Variants in GRM7 observed in about 807,000 individuals in gnomAD.
GRM7 encodes metabotropic glutamate receptor 7.
Under a neutral mutation model 84.5 loss-of-function variants are expected in GRM7, and 35 were observed. The observed-to-expected ratio is 0.41, with a 90% CI of 0.32 to 0.55. The LOEUF is 0.55. GRM7 is among the 20% of genes least tolerant of loss of function. The pLI is 0.19. For missense variants in GRM7, 1,003 were observed against 1,194.6 expected (o/e 0.84, Z 2.36); for synonymous variants, 487 against 455.1 (o/e 1.07, Z -0.89).
chr3:6,976,983 G>A (rs182999520), intron 1 of GRM7, among the ~76,000 whole-genome samples: 1 of 152,120 alleles, frequency 6.6e-6, no homozygotes, highest in South Asian at 2.1e-4. Context: ...CAGTGCAGAG[G>A]CTTGGGTTAT....
At chr3:7,263,131 T>C (rs576426699) in intron 2 of GRM7, among the ~76,000 whole-genome samples, 1 of 152,360 alleles carries the variant, frequency 6.6e-6, no homozygotes, top group East Asian at 1.9e-4. Context: ...CTTGGGGGCT[T>C]AGTTGTGGTA....
intron 9 of GRM7, among the ~76,000 whole-genome samples, chr3:7,720,769 T>C (rs1701919556): frequency 6.6e-6 from 1 of 152,260 alleles, no homozygotes; most frequent in African/African-American, 2.4e-5. Flanking sequence ...TATCCAGCCA[T>C]GTCTGGCACA....
intron 7 of GRM7, among the ~76,000 whole-genome samples, chr3:7,566,434 TATA>T (rs1338818134): frequency 2.6e-5 from 4 of 152,204 alleles, no homozygotes; most frequent in Non-Finnish European, 5.9e-5. Flanking sequence ...ATGTTTACAT[TATA>T]ATATTATTCT....
chr3:7,540,743 A>G (rs931469337), intron 7 of GRM7, among the ~76,000 whole-genome samples: 1 of 152,230 alleles, frequency 6.6e-6, no homozygotes, highest in Non-Finnish European at 1.5e-5. Context: ...TTACAAAAAG[A>G]TATGTAAAGA....
intron 1 of GRM7, among the ~76,000 whole-genome samples, chr3:7,012,754 T>C (rs1360767359): frequency 6.6e-6 from 1 of 152,174 alleles, no homozygotes; most frequent in Non-Finnish European, 1.5e-5. Context: ...TGTGTGTTTG[T>C]TTACTGAGAC....
rs78261568 is a variant in GRM7 at position 7,110,739 on chromosome 3, C to G, written c.520-35713C>G. On this transcript the variant is annotated intron_variant, in intron 1 of 9. Transcript: ENST00000357716. ...AATTTCCAGATGCTAGGTTGAAAGG[C>G]TCATGGATAAAGCATAGAGAAATAT... Among the ~76,000 whole-genome samples the G allele has an allele frequency of 7.4e-3, 1,132 of 152,024 alleles. 18 individuals carry two copies. The highest frequency in any genetic ancestry group is 0.026 in the African/African-American group (1,070 of 41,466).
At chr3:7,134,666 G>C (rs1177147780) in intron 1 of GRM7, among the ~76,000 whole-genome samples, 1 of 152,076 alleles carries the variant, frequency 6.6e-6, no homozygotes, top group Non-Finnish European at 1.5e-5. Context: ...GTACAGCCAT[G>C]TCTCCCTAAA....
chr3:7,192,772 C>T (rs886526521), intron 2 of GRM7, among the ~76,000 whole-genome samples: 4 of 152,104 alleles, frequency 2.6e-5, no homozygotes, highest in Admixed American at 6.6e-5. Flanking sequence ...CAGCCAGATT[C>T]CTCAAGCAGG....
chr3:7,196,007 T>C (rs1695866772), intron 2 of GRM7, among the ~76,000 whole-genome samples: 1 of 152,010 alleles, frequency 6.6e-6, no homozygotes, highest in Non-Finnish European at 1.5e-5. Context: ...TCTAGCTAGT[T>C]AGTTAACTAT....
chr3:7,303,417 G>C (rs1431588368), intron 3 of GRM7, among the ~76,000 whole-genome samples: 1 of 151,908 alleles, frequency 6.6e-6, no homozygotes, highest in African/African-American at 2.4e-5. Flanking sequence ...TGCATAATGT[G>C]TACGTGTTAC....
intron 4 of GRM7, among the ~76,000 whole-genome samples, chr3:7,402,434 G>A (rs1337739041): frequency 6.6e-6 from 1 of 152,166 alleles, no homozygotes; most frequent in African/African-American, 2.4e-5. Context: ...AACTCAGGTG[G>A]TGAGAGAATG....
At chr3:7,647,161 A>C (rs760470544) in intron 8 of GRM7, among the ~76,000 whole-genome samples, 6 of 152,362 alleles carry the variant, frequency 3.9e-5, no homozygotes, top group Non-Finnish European at 8.8e-5. Flanking sequence ...GTGGACCCTC[A>C]GCCAGTAAAA....
intron 4 of GRM7, among the ~76,000 whole-genome samples, chr3:7,386,776 C>T (rs1694801406): frequency 1.3e-5 from 2 of 152,124 alleles, no homozygotes; most frequent in South Asian, 4.2e-4. Context: ...TTCCTTTGGG[C>T]ATACACCCAG....
intron 1 of GRM7, among the ~76,000 whole-genome samples, chr3:7,031,824 C>A (rs2124928311): frequency 6.6e-6 from 1 of 152,136 alleles, no homozygotes; most frequent in Non-Finnish European, 1.5e-5. Context: ...CACTGTGTAG[C>A]ACAAGGCCAA....
At chr3:7,666,028 G>T (rs565661567) in intron 8 of GRM7, among the ~76,000 whole-genome samples, 1 of 152,264 alleles carries the variant, frequency 6.6e-6, no homozygotes, top group South Asian at 2.1e-4. Flanking sequence ...TAGTGGGAGA[G>T]TAGGACTTGA....
At chr3:7,352,569 T>G (rs1693208800) in intron 4 of GRM7, among the ~76,000 whole-genome samples, 1 of 152,068 alleles carries the variant, frequency 6.6e-6, no homozygotes, top group Non-Finnish European at 1.5e-5. Context: ...ATTGGCTGAT[T>G]ATAAGGAAAG....
intron 1 of GRM7, among the ~76,000 whole-genome samples, chr3:7,111,531 C>T (rs944462032): frequency 1.5e-4 from 23 of 152,078 alleles, no homozygotes; most frequent in African/African-American, 5.1e-4. Context: ...TAGCATGAGT[C>T]GTTAAGAGAT....
chr3:7,162,729 A>ATTTTTTTTTTTTTTTTTTTTTTTTTTT (rs71063284), intron 2 of GRM7, among the ~76,000 whole-genome samples: 5 of 54,718 alleles, frequency 9.1e-5, no homozygotes, highest in Non-Finnish European at 1.6e-4. Context: ...CCCATTTTTC[A>ATTTTTTTTTTTTTTTTTTTTTTTTTTT]TTTTTTTTTT....
chr3:6,912,596 G>T (rs562386303), intron 1 of GRM7, among the ~76,000 whole-genome samples: 1 of 152,226 alleles, frequency 6.6e-6, no homozygotes, highest in South Asian at 2.1e-4. Context: ...TCTATGGTTG[G>T]AATGCTTTTC....
Sources: allele counts gnomAD v4.1 joint callset (sites outside exome capture counted in the v4.1 genomes callset), GRCh38; gene constraint gnomAD v4.1.1; transcripts MANE v1.5; gene names NCBI Gene and HGNC (gene_info 2026-07-23, HGNC 2026-07-21).